The following HHIPL2 variants were observed in gnomAD, a reference collection of about 807,000 sequenced individuals.
The protein encoded by HHIPL2 is HHIP like 2, also known as HHIP-like protein 2.
In HHIPL2, 61 loss-of-function variants were observed where a neutral mutation model predicts 61.0. That is an observed-to-expected ratio of 1.00 (90% confidence interval 0.81 to 1.24). HHIPL2 has a LOEUF of 1.24. Ranked by LOEUF, HHIPL2 falls within the 50% of genes most tolerant of loss-of-function variation. HHIPL2 has a pLI of 0.00. For synonymous variants in HHIPL2, 343 were observed against 357.4 expected (o/e 0.96, Z 0.45); for missense variants, 885 against 910.2 (o/e 0.97, Z 0.36).
chr1:222,544,314 G>C (rs1446973099), intron 1 of HHIPL2, 125 bp from the exon 2 acceptor site: 2 of 976,188 alleles, frequency 2.0e-6, no homozygotes, highest in Non-Finnish European at 3.0e-6. Flanking sequence ...TGGAGTTTTT[G>C]TTACCAACTG....
rs1390170753 is a variant in HHIPL2 at position 222,547,802 on chromosome 1, C to T, written c.243G>A (p.Arg81=). 1 of 1,614,168 alleles carries T rather than the reference C, an allele frequency of 6.2e-7. No individual in the cohort carries two copies. The highest frequency in any genetic ancestry group is 8.5e-7 in the Non-Finnish European group (1 of 1,180,038). Residue 81 remains arginine, a synonymous_variant, in exon 1 of 9, where the codon CGG becomes CGA. Transcript: ENST00000343410. ...CAAAATATTCCATGATGTCCCAGTA[C>T]CGGGCAGCGATGCGGCGGTCCTTGT... ...DQHKDRRIAA[R]YWDIMEYFDL...
chr1:222,526,024 TAAAAAA>T, intron 7 of HHIPL2, among the ~76,000 whole-genome samples: 4 of 150,222 alleles, frequency 2.7e-5, no homozygotes, highest in African/African-American at 9.8e-5. Flanking sequence ...AAAATAAAAA[TAAAAAA>T]AAATCCAGTG....
At chr1:222,538,164 A>G (rs1358832730) in intron 5 of HHIPL2, among the ~76,000 whole-genome samples, 2 of 149,710 alleles carry the variant, frequency 1.3e-5, no homozygotes, top group African/African-American at 4.9e-5. Context: ...AGCAAAACTA[A>G]GCTGTGGTGA....
intron 7 of HHIPL2, among the ~76,000 whole-genome samples, chr1:222,525,620 G>A (rs1440217678): frequency 6.6e-6 from 1 of 152,132 alleles, no homozygotes; most frequent in African/African-American, 2.4e-5. Context: ...ATAAGCCTCA[G>A]GGGAAAATTT....
At chr1:222,533,959 C>T (rs938117937) in intron 5 of HHIPL2, among the ~76,000 whole-genome samples, 4 of 152,100 alleles carry the variant, frequency 2.6e-5, no homozygotes, top group Non-Finnish European at 5.9e-5. Context: ...TACTCAACAG[C>T]AGATACATGT....
rs754193099 is a variant in HHIPL2 at position 222,540,347 on chromosome 1, A to G, written c.1119-6T>C. The G allele has an allele frequency of 1.9e-6, 3 of 1,597,536 alleles. No homozygotes were observed. Among genetic ancestry groups the G allele is most frequent in the Admixed American group, 3.4e-5 (2 of 58,260 alleles). On this transcript the variant is annotated splice_polypyrimidine_tract_variant and splice_region_variant and intron_variant, in intron 3 of 8. Coordinates refer to ENST00000343410, the MANE Select transcript of HHIPL2 (RefSeq NM_024746.4). The stretch of plus-strand genomic sequence containing the variant: ...CTTTTCCCAGCAGGGAACTTCTGAA[A>G]GAAAGAAGGCCAAGAAGCAGAATGA...
intron 5 of HHIPL2, among the ~76,000 whole-genome samples, chr1:222,538,244 G>GTA (rs1481542953): frequency 5.0e-4 from 75 of 148,700 alleles, no homozygotes; most frequent in East Asian, 4.9e-3. Flanking sequence ...GTGTGTGTGT[G>GTA]TGTGTATGTA....
intron 7 of HHIPL2, among the ~76,000 whole-genome samples, 199 bp from the exon 8 acceptor site, chr1:222,523,893 G>T (rs768556487): frequency 2.6e-5 from 4 of 152,158 alleles, no homozygotes; most frequent in Non-Finnish European, 5.9e-5. Context: ...GGCTCCTCAG[G>T]CCCTTGAGAG....
chr1:222,544,100 G>A lies in HHIPL2; in HGVS notation c.411C>T (p.Cys137=). The A allele has an allele frequency of 6.2e-7, 1 of 1,614,130 alleles. No individual in the cohort carries two copies. The stretch of plus-strand genomic sequence containing the variant: ...AGTGACAGTTAGAATGGAAGGCAGA[G>A]CAGTAATCAGAGCAGAGGCCCGGGA... The part of the protein sequence containing the change: ...RNLPGLCSDY[C]SAFHSNCHSA... Residue 137 remains cysteine, a synonymous_variant, in exon 2 of 9, where the codon TGC becomes TGT. Coordinates refer to ENST00000343410, the MANE Select transcript of HHIPL2 (RefSeq NM_024746.4).
Position 222,548,061 on chromosome 1 carries a change from C to T in HHIPL2, c.-17G>A, listed in dbSNP as rs371585702. On this transcript the variant is annotated 5_prime_UTR_variant, in exon 1 of 9. The change creates a new upstream start codon in the 5' untranslated region. Transcript: ENST00000343410. The stretch of plus-strand genomic sequence containing the variant: ...TCTCAGCATTTTGGCCTTGGGAACA[C>T]TCGGGCTGCTGTGTTTGCTCAGGTT... The T allele has an allele frequency of 2.8e-4, 431 of 1,532,220 alleles. No individual in the cohort carries two copies. Among genetic ancestry groups the T allele is most frequent in the Non-Finnish European group, 3.8e-4 (426 of 1,135,198 alleles). The allele number at this position is 1,532,220 out of a possible 1,614,324, so 94.9% of individuals were successfully genotyped here.
intron 6 of HHIPL2, among the ~76,000 whole-genome samples, chr1:222,530,447 CAT>C (rs1470338994): frequency 6.6e-6 from 1 of 152,228 alleles, no homozygotes; most frequent in Non-Finnish European, 1.5e-5. Flanking sequence ...TCTCCTTTTT[CAT>C]ATGTTTGGAC....
intron 8 of HHIPL2, among the ~76,000 whole-genome samples, 183 bp downstream of exon 8, chr1:222,523,429 G>A (rs748094454): frequency 1.1e-4 from 17 of 152,260 alleles, no homozygotes; most frequent in South Asian, 2.1e-4. Flanking sequence ...AGAGGAAACC[G>A]GTCACAGTAG....
chr1:222,535,077 C>T (rs1659273918), intron 5 of HHIPL2, among the ~76,000 whole-genome samples: 1 of 151,698 alleles, frequency 6.6e-6, no homozygotes, highest in Non-Finnish European at 1.5e-5. Context: ...TAAAAAGCAG[C>T]CATAGGAAAA....
intron 6 of HHIPL2, among the ~76,000 whole-genome samples, chr1:222,531,732 TC>T (rs1659196297): frequency 1.3e-5 from 2 of 151,698 alleles, no homozygotes; most frequent in African/African-American, 4.8e-5. Flanking sequence ...AGACTCTGTC[TC>T]AAAAAAAAGA....
intron 5 of HHIPL2, among the ~76,000 whole-genome samples, chr1:222,535,673 T>C (rs1021627248): frequency 3.9e-5 from 6 of 152,146 alleles, no homozygotes; most frequent in Non-Finnish European, 8.8e-5. Flanking sequence ...TCTGCCATCG[T>C]TGTTGCATCA....
chr1:222,541,900 G>T, intron 3 of HHIPL2, 112 bp downstream of exon 3: 1 of 1,103,146 alleles, frequency 9.1e-7, no homozygotes, highest in Non-Finnish European at 1.3e-6. Context: ...TTGCCTCAGT[G>T]GAGTAGACTA....
In HHIPL2 at chr1:222,542,022, C is replaced by A; in HGVS notation, c.1108G>T (p.Ala370Ser). The part of the protein sequence containing the change: ...AGDPFGLFGN[A>S]QNKSSLLGKV... ...CCCCATCCAGCTTACTTGTTCTGAG[C>A]ATTTCCAAACAGGCCAAAGGGATCT... The change falls in exon 3 of 9, where the codon GCT becomes TCT. Residue 370 changes from alanine (A) to serine (S), a missense_variant. Transcript: ENST00000343410. The A allele has an allele frequency of 6.2e-7, 1 of 1,612,012 alleles. No homozygotes were observed. Among genetic ancestry groups the A allele is most frequent in the Non-Finnish European group, 8.5e-7 (1 of 1,179,546 alleles).
intron 7 of HHIPL2, 40 bp from the exon 8 acceptor site, chr1:222,523,734 G>T: frequency 6.3e-7 from 1 of 1,597,964 alleles, no homozygotes; most frequent in Non-Finnish European, 8.6e-7. Flanking sequence ...GCAAGACTCT[G>T]AAGATGCAAC....
chr1:222,542,136 C>G lies in HHIPL2; in HGVS notation c.994G>C (p.Glu332Gln). The G allele has an allele frequency of 2.5e-6, 4 of 1,613,790 alleles. No homozygotes were observed. The highest frequency in any genetic ancestry group is 2.5e-6 in the Non-Finnish European group (3 of 1,179,954). The stretch of plus-strand genomic sequence containing the variant: ...CCGCCATTATGGTTTGAGGCTGGTT[C>G]TTCAATCTCCAAGATGACCCTGGAA... The part of the protein sequence containing the change: ...KSERVILEIE[E>Q]PASNHNGGQL... Residue 332 changes from glutamate (E) to glutamine (Q), a missense_variant, in exon 3 of 9, where the codon GAA (glutamate) becomes CAA (glutamine). Glu to Gln is a conservative substitution (Grantham distance 29). Transcript: ENST00000343410.
Sources: gnomAD v4.1 joint callset for allele counts (sites outside exome capture counted in the v4.1 genomes callset) on GRCh38, gnomAD v4.1.1 for gene constraint, MANE v1.5 for transcripts, NCBI Gene and HGNC (gene_info 2026-07-23, HGNC 2026-07-21) for gene names.